The following CCDC178 variants were observed in gnomAD, a reference collection of about 807,000 sequenced individuals.
CCDC178 encodes the protein coiled-coil domain containing 178.
In CCDC178, 126 loss-of-function variants were observed where a neutral mutation model predicts 117.4. The ratio of observed to expected loss-of-function variants is 1.07; its 90% CI spans 0.93 to 1.24. The LOEUF is 1.24. Ranked by LOEUF, CCDC178 falls within the 50% of genes most tolerant of loss-of-function variation. The probability of loss-of-function intolerance (pLI) is 0.00; values close to 1 mark genes in which losing one functional copy is unlikely to be tolerated. For missense variants in CCDC178, 1,030 were observed against 986.9 expected, an observed-to-expected ratio of 1.04 and a Z score of -0.59; for synonymous variants, 283 against 313.4, an observed-to-expected ratio of 0.90 and a Z score of 1.02.
At chr18:33,237,572 C>T (rs921267222) in intron 15 of CCDC178, among the ~76,000 whole-genome samples, 3 of 151,728 alleles carry the variant, frequency 2.0e-5, no homozygotes, top group Admixed American at 2.0e-4. Context: ...GCTGAAATGC[C>T]CCCCATACCA....
intron 20 of CCDC178, among the ~76,000 whole-genome samples, chr18:33,204,048 G>A (rs1474434623): frequency 6.6e-6 from 1 of 152,064 alleles, no homozygotes; most frequent in Non-Finnish European, 1.5e-5. Context: ...AGATCTCCCT[G>A]AGCATGACAA....
chr18:33,241,356 C>A (rs1219329589), intron 15 of CCDC178, among the ~76,000 whole-genome samples: 2 of 150,702 alleles, frequency 1.3e-5, no homozygotes, highest in African/African-American at 4.9e-5. Flanking sequence ...AGCAATTGGG[C>A]AAGAAAAATA....
At chr18:33,191,594 C>A (rs774882128) in intron 20 of CCDC178, among the ~76,000 whole-genome samples, 27 of 152,108 alleles carry the variant, frequency 1.8e-4, no homozygotes, top group Non-Finnish European at 3.4e-4. Context: ...ATAACATTAG[C>A]AATTTCACTT....
intron 15 of CCDC178, among the ~76,000 whole-genome samples, chr18:33,232,056 G>C (rs981324392): frequency 2.0e-5 from 3 of 152,090 alleles, no homozygotes; most frequent in Non-Finnish European, 4.4e-5. Flanking sequence ...ACTCAATTCT[G>C]GTTTTGGAGA....
chr18:33,187,021 G>T (rs1307306195), intron 20 of CCDC178, among the ~76,000 whole-genome samples: 2 of 134,126 alleles, frequency 1.5e-5, no homozygotes, highest in African/African-American at 6.4e-5. Flanking sequence ...GTTCTGCATG[G>T]CTGGGGAAAC....
At chr18:33,344,516 A>G (rs1439644295) in intron 9 of CCDC178, among the ~76,000 whole-genome samples, 1 of 152,146 alleles carries the variant, frequency 6.6e-6, no homozygotes, top group African/African-American at 2.4e-5. Flanking sequence ...TTAAGTACCT[A>G]TAATGTGCAC....
chr18:33,052,883 G>GGTAA (rs1190168426), intron 21 of CCDC178, among the ~76,000 whole-genome samples: 1 of 151,988 alleles, frequency 6.6e-6, no homozygotes, highest in Non-Finnish European at 1.5e-5. Context: ...TCCTGATATT[G>GGTAA]GTAAGTCATT....
chr18:33,131,743 C>G (rs2058070456), intron 20 of CCDC178, among the ~76,000 whole-genome samples: 1 of 151,608 alleles, frequency 6.6e-6, no homozygotes, highest in Non-Finnish European at 1.5e-5. Flanking sequence ...CCTTACTGAG[C>G]TTCAGTTTCC....
At chr18:33,192,832 C>T (rs1352190017) in intron 20 of CCDC178, among the ~76,000 whole-genome samples, 2 of 144,382 alleles carry the variant, frequency 1.4e-5, no homozygotes, top group African/African-American at 5.1e-5. Flanking sequence ...ACCCGGGAGG[C>T]GGAGATTGCA....
intron 14 of CCDC178, among the ~76,000 whole-genome samples, chr18:33,245,733 A>G (rs1380390379): frequency 1.3e-5 from 2 of 151,826 alleles, no homozygotes; most frequent in African/African-American, 4.8e-5. Context: ...ACTCCTTTCC[A>G]TTTCAATTTG....
chr18:32,973,526 AT>A (rs1262617697), intron 22 of CCDC178, among the ~76,000 whole-genome samples: 1 of 151,964 alleles, frequency 6.6e-6, no homozygotes, highest in Admixed American at 6.6e-5. Context: ...ATTATTTTAA[AT>A]TTTTTCTTAT....
chr18:33,057,557 T>A (rs900994944), intron 21 of CCDC178, among the ~76,000 whole-genome samples: 1 of 152,130 alleles, frequency 6.6e-6, no homozygotes, highest in Non-Finnish European at 1.5e-5. Context: ...AATGGCGCGA[T>A]CTGGGCTCAC....
chr18:33,207,990 G>A lies in CCDC178; in HGVS notation c.2238+3906C>T, dbSNP rs1053347748. On this transcript the variant is annotated intron_variant, in intron 20 of 22. Transcript: ENST00000383096. Reference sequence around the variant, plus strand: ...GTGATCATTGAAGCACCGGATCTGCGCAAAAACATGAGGTAATCTCTGATA... The same window carrying A: ...GTGATCATTGAAGCACCGGATCTGCACAAAAACATGAGGTAATCTCTGATA... Among the ~76,000 whole-genome samples the A allele has an allele frequency of 3.3e-5, 5 of 151,802 alleles. 1 individual carries two copies. The highest frequency in any genetic ancestry group is 3.9e-4 in the East Asian group (2 of 5,160).
intron 12 of CCDC178, among the ~76,000 whole-genome samples, chr18:33,272,442 T>C (rs776390354): frequency 5.9e-5 from 9 of 151,608 alleles, no homozygotes; most frequent in Non-Finnish European, 1.3e-4. Flanking sequence ...CTGAACCAAA[T>C]TGCTTTACTG....
chr18:33,160,383 C>T (rs1410221733), intron 20 of CCDC178, among the ~76,000 whole-genome samples: 2 of 152,060 alleles, frequency 1.3e-5, no homozygotes, highest in Non-Finnish European at 2.9e-5. Context: ...GGTAAATAAT[C>T]TGTGTGATTC....
At chr18:33,198,856 G>A (rs948823295) in intron 20 of CCDC178, among the ~76,000 whole-genome samples, 5 of 151,980 alleles carry the variant, frequency 3.3e-5, no homozygotes, top group Admixed American at 6.6e-5. Context: ...TCTGTCTGTG[G>A]TTAACAAAGC....
chr18:32,942,893 T>C (rs774421661), intron 22 of CCDC178, among the ~76,000 whole-genome samples: 19 of 152,176 alleles, frequency 1.2e-4, no homozygotes, highest in Non-Finnish European at 2.2e-4. Flanking sequence ...GAAAGAAAAT[T>C]GTTACTTTGT....
chr18:33,356,205 T>C (rs1772744374), intron 7 of CCDC178, 119 bp downstream of exon 7: 14 of 1,024,698 alleles, frequency 1.4e-5, no homozygotes, highest in South Asian at 1.7e-5. Flanking sequence ...GCAATATCTA[T>C]TGTGAAAAAT....
rs115645859 is a variant in CCDC178 at position 33,080,299 on chromosome 18, G to C, written c.2388+12462C>G. ...AGGGTGGAGGGTGGGAGTAGGGAGAGGAACAGAAAATAGGTACTATGTTTA... is the reference window on the plus strand; with the variant it reads ...AGGGTGGAGGGTGGGAGTAGGGAGACGAACAGAAAATAGGTACTATGTTTA... On this transcript the variant is annotated intron_variant, in intron 21 of 22. Transcript: ENST00000383096. Among the ~76,000 whole-genome samples the C allele has an allele frequency of 4.3e-3, 660 of 152,120 alleles. 5 individuals carry two copies. The highest frequency in any genetic ancestry group is 0.015 in the African/African-American group (632 of 41,468).
Sources: allele counts gnomAD v4.1 joint callset (sites outside exome capture counted in the v4.1 genomes callset), GRCh38; gene constraint gnomAD v4.1.1; transcripts MANE v1.5; gene names NCBI Gene and HGNC (gene_info 2026-07-23, HGNC 2026-07-21).